The following ATRNL1 variants were observed in gnomAD, a reference collection of about 807,000 sequenced individuals.
ATRNL1 encodes attractin like 1.
In ATRNL1, 95 loss-of-function variants were observed where a neutral mutation model predicts 182.7. The observed-to-expected ratio is 0.52, with a 90% CI of 0.44 to 0.62. The LOEUF is 0.62. ATRNL1 is among the 20% of genes least tolerant of loss of function. The pLI is 0.00. For synonymous variants in ATRNL1, 576 were observed against 568.3 expected (o/e 1.01, Z -0.19); for missense variants, 1,471 against 1,679.5 (o/e 0.88, Z 2.17).
At chr10:115,165,321 A>G (rs1258000876) in intron 6 of ATRNL1, among the ~76,000 whole-genome samples, 5 of 152,084 alleles carry the variant, frequency 3.3e-5, no homozygotes, top group African/African-American at 1.2e-4. Context: ...TAAATATCCT[A>G]ATCAAGTTAA....
intron 27 of ATRNL1, among the ~76,000 whole-genome samples, chr10:115,775,359 C>T (rs1378713346): frequency 1.3e-5 from 2 of 152,110 alleles, no homozygotes; most frequent in Non-Finnish European, 2.9e-5. Flanking sequence ...CATTTTTAAA[C>T]TTCAATTTAT....
At position 115,302,060 on chromosome 10, in the gene ATRNL1, A is replaced by G. The variant is rs1554924770; in HGVS notation, c.2818+17A>G. On this transcript the variant is annotated intron_variant, in intron 17 of 28. Coordinates refer to ENST00000355044, the MANE Select transcript of ATRNL1 (RefSeq NM_207303.4). Reference sequence around the variant, plus strand: ...CCTGCTCCCGTAAGTATTTATCTAGAGTGACTTTTCACTTGACAGCAACGT... The same window carrying G: ...CCTGCTCCCGTAAGTATTTATCTAGGGTGACTTTTCACTTGACAGCAACGT... 1 of 1,581,044 alleles carries G rather than the reference A, an allele frequency of 6.3e-7. No homozygotes were observed. The highest frequency in any genetic ancestry group is 8.6e-7 in the Non-Finnish European group (1 of 1,159,640).
chr10:115,669,591 A>T (rs1555040769), intron 26 of ATRNL1, among the ~76,000 whole-genome samples: 1 of 152,018 alleles, frequency 6.6e-6, no homozygotes, highest in African/African-American at 2.4e-5. Context: ...TGACTTTTTT[A>T]TTGACATACT....
chr10:115,219,069 T>G (rs2144427325), intron 9 of ATRNL1, among the ~76,000 whole-genome samples: 1 of 152,146 alleles, frequency 6.6e-6, no homozygotes, highest in South Asian at 2.1e-4. Context: ...ACCCCATCTC[T>G]ACTAAAAATA....
chr10:115,430,026 G>T (rs1260313154), intron 21 of ATRNL1, among the ~76,000 whole-genome samples: 1 of 152,112 alleles, frequency 6.6e-6, no homozygotes, highest in Non-Finnish European at 1.5e-5. Context: ...AGCCGAGATC[G>T]CGCCACTGCA....
At chr10:115,169,983 T>C (rs1400506073) in intron 7 of ATRNL1, among the ~76,000 whole-genome samples, 1 of 152,170 alleles carries the variant, frequency 6.6e-6, no homozygotes, top group Non-Finnish European at 1.5e-5. Context: ...TTTTTGTACA[T>C]TGATCTTATG....
intron 22 of ATRNL1, 58 bp from the exon 23 acceptor site, chr10:115,467,116 A>G (rs1554970960): frequency 1.1e-6 from 1 of 929,980 alleles, no homozygotes; most frequent in East Asian, 2.6e-5. Flanking sequence ...AGTAGACTAA[A>G]TCATATATAT....
chr10:115,267,606 T>C (rs1415255898), intron 12 of ATRNL1, among the ~76,000 whole-genome samples: 2 of 152,096 alleles, frequency 1.3e-5, no homozygotes, highest in Non-Finnish European at 2.9e-5. Context: ...TTAATAAATG[T>C]ATTTTTAAGT....
chr10:115,100,979 G>A (rs1432581989), intron 1 of ATRNL1, among the ~76,000 whole-genome samples: 1 of 152,020 alleles, frequency 6.6e-6, no homozygotes, highest in Non-Finnish European at 1.5e-5. Context: ...AATATTTTTG[G>A]ATGCTATTGT....
intron 26 of ATRNL1, among the ~76,000 whole-genome samples, chr10:115,644,418 C>T (rs558317711): frequency 2.0e-5 from 3 of 152,208 alleles, no homozygotes; most frequent in Non-Finnish European, 2.9e-5. Context: ...TGTATGTAGG[C>T]ATTTTAAACT....
chr10:115,545,234 C>CAAAAAAAAAA (rs71010026), intron 25 of ATRNL1, among the ~76,000 whole-genome samples: 1 of 94,844 alleles, frequency 1.1e-5, no homozygotes, highest in Non-Finnish European at 2.0e-5. Flanking sequence ...GACTCCGTAT[C>CAAAAAAAAAA]AAAAAAAAAA....
intron 17 of ATRNL1, among the ~76,000 whole-genome samples, chr10:115,303,023 T>C (rs1339580646): frequency 1.3e-5 from 2 of 152,152 alleles, no homozygotes; most frequent in Non-Finnish European, 2.9e-5. Flanking sequence ...TTTTACTTAC[T>C]CCTGCTGCTC....
chr10:115,595,649 T>A (rs1856192975), intron 26 of ATRNL1, among the ~76,000 whole-genome samples: 1 of 152,174 alleles, frequency 6.6e-6, no homozygotes, highest in Non-Finnish European at 1.5e-5. Context: ...AAGATCTGAG[T>A]GCACAATAAT....
chr10:115,134,117 C>T (rs1233908414), intron 5 of ATRNL1, among the ~76,000 whole-genome samples: 1 of 152,072 alleles, frequency 6.6e-6, no homozygotes. Flanking sequence ...CCTAACATCA[C>T]AATTAAAAGA....
chr10:115,535,890 C>G (rs549409235), intron 25 of ATRNL1, among the ~76,000 whole-genome samples: 2 of 151,874 alleles, frequency 1.3e-5, no homozygotes, highest in African/African-American at 2.4e-5. Context: ...CCCTGTTTGC[C>G]TGGGTATCAG....
chr10:115,240,655 T>A (rs1164016654), intron 9 of ATRNL1, among the ~76,000 whole-genome samples: 1 of 152,160 alleles, frequency 6.6e-6, no homozygotes, highest in Non-Finnish European at 1.5e-5. Flanking sequence ...TAGCTATGTT[T>A]ATGTATATAA....
chr10:115,288,214 T>C (rs1002032944), intron 15 of ATRNL1, among the ~76,000 whole-genome samples: 3 of 152,310 alleles, frequency 2.0e-5, no homozygotes, highest in South Asian at 2.1e-4. Context: ...CCCATTGATA[T>C]ACTGATTTTC....
At chr10:115,893,310 G>A (rs982249547) in intron 28 of ATRNL1, among the ~76,000 whole-genome samples, 2 of 152,124 alleles carry the variant, frequency 1.3e-5, no homozygotes, top group Admixed American at 1.3e-4. Flanking sequence ...TCGCTGGGAA[G>A]GACTTTAAAA....
chr10:115,165,485 A>T lies in ATRNL1; in HGVS notation c.1005-73A>T, dbSNP rs546937424. The T allele has an allele frequency of 4.0e-6, 3 of 751,406 alleles. No homozygotes were observed. In the South Asian group the frequency reaches 8.2e-5, roughly 21 times the overall value. 46.5% of individuals were successfully genotyped at this position (751,406 alleles called of 1,614,324 possible). A position where few individuals can be genotyped will look rare whatever the true frequency, so the allele number is the denominator to read the frequency against. ...AATGAATACTTGGACACAAGTGAAT[A>T]AAAAGCACGTGAAAATTAAAAAAAC... On this transcript the variant is annotated intron_variant, in intron 6 of 28. Coordinates refer to ENST00000355044, the MANE Select transcript of ATRNL1 (RefSeq NM_207303.4).
Sources: gnomAD v4.1 joint callset for allele counts (sites outside exome capture counted in the v4.1 genomes callset) on GRCh38, gnomAD v4.1.1 for gene constraint, MANE v1.5 for transcripts, NCBI Gene and HGNC (gene_info 2026-07-23, HGNC 2026-07-21) for gene names.